CAMTA1: variants seen among roughly 807,000 people sequenced by gnomAD.
CAMTA1 encodes the protein calmodulin binding transcription activator 1, also known as calmodulin-binding transcription activator 1.
A neutral mutation model predicts 170.9 loss-of-function variants in CAMTA1; 27 were observed. The ratio of observed to expected loss-of-function variants is 0.16; its 90% CI spans 0.12 to 0.22. CAMTA1 has a LOEUF of 0.22. CAMTA1 is among the 10% of genes least tolerant of loss of function. The pLI, the probability that CAMTA1 is intolerant of heterozygous loss-of-function variation, is 1.00. For synonymous variants in CAMTA1, 833 were observed against 891.5 expected (o/e 0.93, Z 1.17); for missense variants, 1,619 against 2,217.2 (o/e 0.73, Z 5.42).
intron 6 of CAMTA1, among the ~76,000 whole-genome samples, chr1:7,606,402 T>A (rs1410396940): frequency 2.0e-5 from 3 of 152,200 alleles, no homozygotes; most frequent in Non-Finnish European, 2.9e-5. Context: ...TCAGATCAAT[T>A]CTCGTGCTTT....
chr1:7,261,153 C>G (rs1482229976), intron 5 of CAMTA1, among the ~76,000 whole-genome samples: 1 of 152,206 alleles, frequency 6.6e-6, no homozygotes, highest in Admixed American at 6.5e-5. Flanking sequence ...AATTCTAATG[C>G]TTCACTTATG....
chr1:7,664,197 C>T lies in CAMTA1; in HGVS notation c.1650C>T (p.Ser550=), dbSNP rs1473874858. The T allele has an allele frequency of 5.6e-6, 9 of 1,612,708 alleles. No individual in the cohort carries two copies. The highest frequency in any genetic ancestry group is 7.6e-6 in the Non-Finnish European group (9 of 1,180,056). Residue 550 remains serine, a synonymous_variant, in exon 9 of 23, where the codon TCC becomes TCT. Transcript: ENST00000303635. ...AGATGGCCAAAGAAGCGTACTCCTC[C>T]TCCGCGGCGGCTGTGGCAGCCAGCT... ...EQQMAKEAYS[S]SAAAVAASSL...
intron 3 of CAMTA1, among the ~76,000 whole-genome samples, chr1:7,032,408 T>C (rs1702937672): frequency 6.6e-6 from 1 of 152,242 alleles, no homozygotes; most frequent in Admixed American, 6.5e-5. Flanking sequence ...CTTTGACTTA[T>C]CATAGTCCAC....
chr1:6,810,282 C>T (rs1261857412), intron 1 of CAMTA1, among the ~76,000 whole-genome samples: 1 of 152,184 alleles, frequency 6.6e-6, no homozygotes, highest in Admixed American at 6.5e-5. Flanking sequence ...GGACTCCTTT[C>T]TTTGGGCTGT....
chr1:7,653,363 G>A (rs12027465), intron 7 of CAMTA1, among the ~76,000 whole-genome samples: 1 of 152,102 alleles, frequency 6.6e-6, no homozygotes, highest in African/African-American at 2.4e-5. Context: ...CCTGGGCTCA[G>A]GTGATCCTCC....
chr1:7,148,378 C>A (rs925492713), intron 4 of CAMTA1, among the ~76,000 whole-genome samples: 1 of 152,070 alleles, frequency 6.6e-6, no homozygotes, highest in South Asian at 2.1e-4. Context: ...ACACCACACA[C>A]TCAAATATGC....
At chr1:7,136,440 A>G (rs1024700949) in intron 4 of CAMTA1, among the ~76,000 whole-genome samples, 1 of 151,834 alleles carries the variant, frequency 6.6e-6, no homozygotes, top group African/African-American at 2.4e-5. Flanking sequence ...TCCCTCCTTC[A>G]ACCTTAGATG....
At chr1:7,469,996 G>C (rs928067582) in intron 6 of CAMTA1, among the ~76,000 whole-genome samples, 1 of 152,206 alleles carries the variant, frequency 6.6e-6, no homozygotes, top group Non-Finnish European at 1.5e-5. Context: ...TGTCTGGTTC[G>C]TTACCTCCCA....
At chr1:7,734,792 G>A (rs968978684) in intron 12 of CAMTA1, among the ~76,000 whole-genome samples, 1 of 152,146 alleles carries the variant, frequency 6.6e-6, no homozygotes, top group Non-Finnish European at 1.5e-5. Flanking sequence ...TCAGCGAGGA[G>A]CCATAGTATT....
intron 6 of CAMTA1, among the ~76,000 whole-genome samples, chr1:7,620,809 G>C (rs1217387023): frequency 6.6e-6 from 1 of 152,206 alleles, no homozygotes; most frequent in African/African-American, 2.4e-5. Flanking sequence ...AGATCAGCTG[G>C]TTCTTAGCTG....
At chr1:7,227,378 C>A (rs113498821) in intron 4 of CAMTA1, among the ~76,000 whole-genome samples, 14,903 of 151,990 alleles carry the variant, frequency 0.098, 2,106 homozygotes, top group African/African-American at 0.32. Context: ...CCTAGGCTGA[C>A]GTGCAATGGT....
chr1:7,611,495 C>T (rs1343441485), intron 6 of CAMTA1, among the ~76,000 whole-genome samples: 1 of 152,122 alleles, frequency 6.6e-6, no homozygotes, highest in East Asian at 1.9e-4. Flanking sequence ...GAGCGAGGAC[C>T]AGGAAGGAGA....
chr1:7,276,291 ATATATATATATATTT>A (rs1298349343), intron 5 of CAMTA1, among the ~76,000 whole-genome samples: 2,134 of 51,288 alleles, frequency 0.042, 104 homozygotes, highest in East Asian at 0.051. Context: ...ATATATATAT[ATATATATATATATTT>A]TTTTTTTTTT....
At chr1:7,326,822 A>G (rs1351431032) in intron 5 of CAMTA1, among the ~76,000 whole-genome samples, 1 of 152,168 alleles carries the variant, frequency 6.6e-6, no homozygotes, top group Non-Finnish European at 1.5e-5. Context: ...AAACTAATAC[A>G]ATGAGGGAGT....
chr1:6,787,773 C>G (rs915197501), intron 1 of CAMTA1, among the ~76,000 whole-genome samples: 2 of 152,170 alleles, frequency 1.3e-5, no homozygotes, highest in South Asian at 4.1e-4. Flanking sequence ...CGTACAGTGC[C>G]TGCCCATACG....
intron 5 of CAMTA1, among the ~76,000 whole-genome samples, chr1:7,358,363 G>A (rs1331275582): frequency 6.6e-6 from 1 of 152,248 alleles, no homozygotes; most frequent in Non-Finnish European, 1.5e-5. Flanking sequence ...TTTACGAGAA[G>A]TCAGAGCATG....
intron 3 of CAMTA1, among the ~76,000 whole-genome samples, chr1:6,917,331 G>A (rs546815066): frequency 1.2e-3 from 177 of 152,224 alleles, no homozygotes; most frequent in Non-Finnish European, 2.1e-3. Context: ...TTTAAATGAA[G>A]TGCCGTGGAG....
At chr1:6,859,476 A>G (rs79508899) in intron 3 of CAMTA1, among the ~76,000 whole-genome samples, 2,231 of 152,322 alleles carry the variant, frequency 0.015, 50 homozygotes, top group African/African-American at 0.051. Context: ...GAGTGTAAAT[A>G]TTTGACATAT....
Position 6,936,462 on chromosome 1 carries a change from G to C in CAMTA1, c.234+111252G>C, listed in dbSNP as rs1174899262. On this transcript the variant is annotated intron_variant, in intron 3 of 22. Coordinates refer to ENST00000303635, the MANE Select transcript of CAMTA1 (RefSeq NM_015215.4). ...GCCAGAGGCAGATGCCTGTGGATGG[G>C]GGCAGGAGGGGGATGAGGTTTCTGT... Among the ~76,000 whole-genome samples, 9 of 152,194 alleles carry C rather than the reference G, an allele frequency of 5.9e-5. No individual in the cohort carries two copies. The South Asian group carries it at 1.7e-3, about 28-fold the overall frequency.
Sources: allele counts gnomAD v4.1 joint callset (sites outside exome capture counted in the v4.1 genomes callset), GRCh38; gene constraint gnomAD v4.1.1; transcripts MANE v1.5; gene names NCBI Gene and HGNC (gene_info 2026-07-23, HGNC 2026-07-21).